SCN1A: variants seen among roughly 807,000 people sequenced by gnomAD.
The protein encoded by SCN1A is sodium voltage-gated channel alpha subunit 1.
Under a neutral mutation model 193.7 loss-of-function variants are expected in SCN1A, and 13 were observed. The observed-to-expected ratio is 0.07, with a 90% CI of 0.04 to 0.11. The LOEUF (loss-of-function observed/expected upper bound fraction) is 0.11, where lower values mean the gene tolerates loss of function less well. Ranked by LOEUF, SCN1A falls within the 10% of genes least tolerant of loss-of-function variation. The pLI is 1.00. For synonymous variants in SCN1A, 781 were observed against 843.6 expected, an observed-to-expected ratio of 0.93 and a Z score of 1.29; for missense variants, 1,432 against 2,451.1, an observed-to-expected ratio of 0.58 and a Z score of 8.78.
intron 19 of SCN1A, among the ~76,000 whole-genome samples, chr2:166,020,659 A>G (rs932492584): frequency 2.0e-5 from 3 of 152,250 alleles, no homozygotes; most frequent in African/African-American, 7.2e-5. Flanking sequence ...ATCATTGAAT[A>G]AACGTAACAC....
At chr2:166,050,489 TAAAAC>T (rs1429758940) in intron 9 of SCN1A, among the ~76,000 whole-genome samples, 1 of 149,556 alleles carries the variant, frequency 6.7e-6, no homozygotes, top group Non-Finnish European at 1.5e-5. Flanking sequence ...TGAACTTAGA[TAAAAC>T]AAACAAACAA....
intron 24 of SCN1A, among the ~76,000 whole-genome samples, chr2:166,000,221 A>T (rs779605394): frequency 4.0e-5 from 6 of 151,772 alleles, no homozygotes; most frequent in Admixed American, 1.3e-4. Flanking sequence ...ATTTCTCTTT[A>T]TTGTAACAAT....
intron 4 of SCN1A, chr2:166,060,525 T>TC (rs1444189917): frequency 1.3e-5 from 2 of 152,134 alleles, no homozygotes; most frequent in South Asian, 2.1e-4. Flanking sequence ...ATACTTCCTT[T>TC]CCCCCCAGAT....
At chr2:166,070,432 TCCAAAATG>T (rs1263624830) in intron 4 of SCN1A, among the ~76,000 whole-genome samples, 1 of 152,186 alleles carries the variant, frequency 6.6e-6, no homozygotes, top group Non-Finnish European at 1.5e-5. Context: ...TGTGATTTGC[TCCAAAATG>T]CCAAAATGCT....
rs1813502 is a variant in SCN1A at position 165,989,506 on chromosome 2, G to A, written c.*1739C>T. On this transcript the variant is annotated 3_prime_UTR_variant, in exon 29 of 29. Transcript: ENST00000674923. ...AAGCACTACCTTCAATTCAGTTAGTGCAGGTACTACCAGAAATATAAATAA... is the reference window on the plus strand; with the variant it reads ...AAGCACTACCTTCAATTCAGTTAGTACAGGTACTACCAGAAATATAAATAA... The A allele has an allele frequency of 0.7, 106,287 of 152,128 alleles. 38,170 individuals carry two copies. Among genetic ancestry groups the A allele is most frequent in the African/African-American group, 0.86 (35,869 of 41,520 alleles). 9.4% of individuals were successfully genotyped at this position (152,128 alleles called of 1,614,324 possible). A position where few individuals can be genotyped will look rare whatever the true frequency, so the allele number is the denominator to read the frequency against.
chr2:166,137,058 G>A (rs1264468174), intron 1 of SCN1A, among the ~76,000 whole-genome samples: 1 of 152,082 alleles, frequency 6.6e-6, no homozygotes, highest in Non-Finnish European at 1.5e-5. Context: ...TCTCTTCCCT[G>A]GTCTGCATTC....
intron 2 of SCN1A, among the ~76,000 whole-genome samples, chr2:166,103,270 G>A (rs1237511204): frequency 1.3e-5 from 2 of 152,042 alleles, no homozygotes; most frequent in African/African-American, 2.4e-5. Context: ...GGCCAACATG[G>A]CAAAACCTGG....
chr2:166,075,255 G>A (rs1309114757), intron 3 of SCN1A: 1 of 151,980 alleles, frequency 6.6e-6, no homozygotes, highest in Non-Finnish European at 1.5e-5. Context: ...AGAAAATGCA[G>A]TATAATATCT....
At position 166,077,737 on chromosome 2, in the gene SCN1A, A is replaced by C. The variant is rs1180179659; in HGVS notation, c.-77T>G. ...TAGGATTTAACCAAAGGAGTTGAAA[A>C]CTTATGTCCACACAAAATCCTGCAC... On this transcript the variant is annotated 5_prime_UTR_variant, in exon 3 of 29. Coordinates refer to ENST00000674923, the MANE Select transcript of SCN1A (RefSeq NM_001165963.4). 2 of 152,466 alleles carry C rather than the reference A, an allele frequency of 1.3e-5. No individual in the cohort carries two copies. The highest frequency in any genetic ancestry group is 4.8e-5 in the African/African-American group (2 of 41,426). 9.4% of individuals were successfully genotyped at this position (152,466 alleles called of 1,614,324 possible).
At chr2:166,032,816 C>G (rs529391927) in intron 19 of SCN1A, among the ~76,000 whole-genome samples, 1 of 152,126 alleles carries the variant, frequency 6.6e-6, no homozygotes, top group Non-Finnish European at 1.5e-5. Flanking sequence ...TGTAAAGTGA[C>G]AAGGTAACAT....
At position 165,986,594 on chromosome 2, in the gene SCN1A, A is replaced by G. The variant is rs1231306576; in HGVS notation, c.*4651T>C. On this transcript the variant is annotated 3_prime_UTR_variant, in exon 29 of 29. Transcript: ENST00000674923. ...AAAACCAGTATATATTGAATTAATT[A>G]CCAACAGTAGATCTAATTTTGAAGG... is the stretch of plus-strand genomic sequence containing the variant. The G allele has an allele frequency of 6.6e-6, 1 of 151,992 alleles. No homozygotes were observed. Among genetic ancestry groups the G allele is most frequent in the Non-Finnish European group, 1.5e-5 (1 of 67,970 alleles). The allele number at this position is 151,992 out of a possible 1,614,324, so 9.4% of individuals were successfully genotyped here. A position where few individuals can be genotyped will look rare whatever the true frequency, so the allele number is the denominator to read the frequency against.
At chr2:166,042,010 T>C (rs1488567542) in intron 15 of SCN1A, among the ~76,000 whole-genome samples, 2 of 152,242 alleles carry the variant, frequency 1.3e-5, no homozygotes, top group Non-Finnish European at 2.9e-5. Context: ...AGGGTCACTA[T>C]GACTAATGAG....
At chr2:166,052,751 C>T in intron 8 of SCN1A, 101 bp downstream of exon 8, 1 of 964,888 alleles carries the variant, frequency 1.0e-6, no homozygotes, top group Non-Finnish European at 1.6e-6. Flanking sequence ...TTTGAAACAC[C>T]TAGTCTTATG....
intron 19 of SCN1A, among the ~76,000 whole-genome samples, chr2:166,032,994 A>C (rs1273722663): frequency 6.6e-6 from 1 of 152,186 alleles, no homozygotes; most frequent in African/African-American, 2.4e-5. Context: ...GAGTTGAATG[A>C]GCTGGAAAAG....
intron 17 of SCN1A, among the ~76,000 whole-genome samples, chr2:166,038,604 CT>C (rs2105812160): frequency 6.6e-6 from 1 of 152,226 alleles, no homozygotes; most frequent in Admixed American, 6.5e-5. Flanking sequence ...TCCCAAAGTG[CT>C]AGGATTACAG....
chr2:166,087,043 G>GT (rs1686208867), intron 2 of SCN1A, among the ~76,000 whole-genome samples: 1 of 152,022 alleles, frequency 6.6e-6, no homozygotes. Context: ...GATTCCTAAT[G>GT]TTGGAGGTGG....
chr2:166,095,705 C>G (rs1687303734), intron 2 of SCN1A, among the ~76,000 whole-genome samples: 1 of 152,124 alleles, frequency 6.6e-6, no homozygotes, highest in South Asian at 2.1e-4. Context: ...AAACTTGACA[C>G]TAGAGTCTCA....
chr2:166,058,658 T>C lies in SCN1A; in HGVS notation c.295A>G (p.Ile99Val). The C allele has an allele frequency of 6.2e-7, 1 of 1,610,570 alleles. No homozygotes were observed. The highest frequency in any genetic ancestry group is 1.1e-5 in the South Asian group (1 of 91,018). ...TFIVLNKGKA[I>V]FRFSATSALY... ...GCAGAGGTGGCACTGAACCGGAAGA[T>C]GGCCTTCCCTTTATTCAATACTATA... Residue 99 changes from isoleucine to valine, a missense_variant, in exon 5 of 29, where the codon ATC becomes GTC. Around this residue, in one of 18 missense-constraint regions of SCN1A, gnomAD observed 123 missense variants for 282.8 expected, o/e 0.43. Coordinates refer to ENST00000674923, the MANE Select transcript of SCN1A (RefSeq NM_001165963.4).
intron 2 of SCN1A, among the ~76,000 whole-genome samples, chr2:166,091,971 C>G (rs942412431): frequency 6.6e-6 from 1 of 152,134 alleles, no homozygotes; most frequent in African/African-American, 2.4e-5. Flanking sequence ...TCCCACCCAT[C>G]TCATTCTAAC....
Sources: gnomAD v4.1 joint callset for allele counts (sites outside exome capture counted in the v4.1 genomes callset) on GRCh38, gnomAD v4.1.1 for gene constraint, gnomAD v4.1.1 regional missense constraint, MANE v1.5 for transcripts, NCBI Gene and HGNC (gene_info 2026-07-23, HGNC 2026-07-21) for gene names.